The following MAGI2 variants were observed in gnomAD, a reference collection of about 807,000 sequenced individuals.
The protein encoded by MAGI2 is membrane associated guanylate kinase, WW and PDZ domain containing 2.
Under a neutral mutation model 133.3 loss-of-function variants are expected in MAGI2, and 35 were observed. The observed-to-expected ratio is 0.26, with a 90% confidence interval of 0.20 to 0.35. MAGI2 has a LOEUF of 0.35. MAGI2 is among the 10% of genes least tolerant of loss of function. The pLI, the probability that MAGI2 is intolerant of heterozygous loss-of-function variation, is 1.00. For missense variants in MAGI2, 1,636 were observed against 1,863.4 expected (o/e 0.88, Z 2.25); for synonymous variants, 729 against 710.6 (o/e 1.03, Z -0.41).
At chr7:78,754,417 A>C in intron 2 of MAGI2, among the ~76,000 whole-genome samples, 1 of 151,858 alleles carries the variant, frequency 6.6e-6, no homozygotes, top group Non-Finnish European at 1.5e-5. Flanking sequence ...AAATGCTGAA[A>C]GTTAGTAACA....
chr7:79,189,514 G>A (rs750713745), intron 1 of MAGI2, among the ~76,000 whole-genome samples: 15 of 151,394 alleles, frequency 9.9e-5, no homozygotes, highest in African/African-American at 1.5e-4. Context: ...AAAATTAAGC[G>A]GAACGTACAG....
At chr7:78,285,236 G>T (rs190811429) in intron 9 of MAGI2, among the ~76,000 whole-genome samples, 1 of 151,960 alleles carries the variant, frequency 6.6e-6, no homozygotes, top group East Asian at 1.9e-4. Context: ...TCTAGGTTAC[G>T]CATCCAAAAA....
chr7:78,674,300 C>T (rs1169670975), intron 2 of MAGI2, among the ~76,000 whole-genome samples: 1 of 151,438 alleles, frequency 6.6e-6, no homozygotes, highest in Non-Finnish European at 1.5e-5. Flanking sequence ...TGGCACCAGG[C>T]AAACTGATTC....
At chr7:79,379,370 A>T (rs1843626908) in intron 1 of MAGI2, among the ~76,000 whole-genome samples, 1 of 151,926 alleles carries the variant, frequency 6.6e-6, no homozygotes, top group Non-Finnish European at 1.5e-5. Context: ...ATTGATGGGC[A>T]TTTGGGTTGG....
intron 10 of MAGI2, among the ~76,000 whole-genome samples, chr7:78,248,720 T>C (rs1014192115): frequency 1.3e-5 from 2 of 151,948 alleles, no homozygotes; most frequent in African/African-American, 4.8e-5. Flanking sequence ...AAAAATCAAA[T>C]CAAAATGCAT....
chr7:78,181,420 A>T (rs3807670), intron 13 of MAGI2, among the ~76,000 whole-genome samples: 42,140 of 151,856 alleles, frequency 0.28, 6,391 homozygotes, highest in South Asian at 0.36. Context: ...TGCTCTTTTT[A>T]AAAAAATCTT....
intron 1 of MAGI2, among the ~76,000 whole-genome samples, chr7:79,036,996 G>A (rs1392863190): frequency 5.9e-5 from 9 of 152,142 alleles, no homozygotes; most frequent in African/African-American, 2.2e-4. Context: ...GTCAAGTAAA[G>A]ACTAAGCATT....
At chr7:78,375,005 A>G (rs1455915170) in intron 6 of MAGI2, among the ~76,000 whole-genome samples, 1 of 149,884 alleles carries the variant, frequency 6.7e-6, no homozygotes, top group Non-Finnish European at 1.5e-5. Context: ...ACACCTGGCT[A>G]TTTTTTTTTG....
At chr7:78,715,118 G>A (rs761942327) in intron 2 of MAGI2, among the ~76,000 whole-genome samples, 3 of 152,180 alleles carry the variant, frequency 2.0e-5, no homozygotes, top group African/African-American at 7.2e-5. Context: ...AATGGGAATT[G>A]ATTTGCTTGG....
At chr7:79,197,863 C>T (rs140117997) in intron 1 of MAGI2, among the ~76,000 whole-genome samples, 1 of 151,974 alleles carries the variant, frequency 6.6e-6, no homozygotes, top group Non-Finnish European at 1.5e-5. Flanking sequence ...GCACTAATAT[C>T]ATATCACTTC....
chr7:78,591,919 G>C (rs1236123666), intron 3 of MAGI2, among the ~76,000 whole-genome samples: 1 of 152,142 alleles, frequency 6.6e-6, no homozygotes, highest in Non-Finnish European at 1.5e-5. Context: ...CATAAGAGAA[G>C]ACTCTTGAAA....
At chr7:78,790,348 A>C (rs993869159) in intron 2 of MAGI2, among the ~76,000 whole-genome samples, 1 of 152,166 alleles carries the variant, frequency 6.6e-6, no homozygotes, top group African/African-American at 2.4e-5. Context: ...TTTTATTAGA[A>C]TCCATCCTTT....
chr7:78,576,480 C>G (rs1252710298), intron 3 of MAGI2, among the ~76,000 whole-genome samples: 1 of 152,124 alleles, frequency 6.6e-6, no homozygotes, highest in East Asian at 1.9e-4. Flanking sequence ...ACCAGAATTC[C>G]TCTCTTCCAA....
Position 79,132,908 on chromosome 7 carries a change from T to C in MAGI2, c.302-125702A>G, listed in dbSNP as rs368620476. Among the ~76,000 whole-genome samples the C allele has an allele frequency of 3.9e-5, 6 of 152,298 alleles. No individual in the cohort carries two copies. In the East Asian group the frequency reaches 7.7e-4, roughly 20 times the overall value. ...GCATTTCTCTGATGATTAGTGATGC[T>C]GAGCATTTTTTCCTATGTTTGTTGG... On this transcript the variant is annotated intron_variant, in intron 1 of 21. Transcript: ENST00000354212.
chr7:78,242,058 CAT>C (rs1233711559), intron 10 of MAGI2, among the ~76,000 whole-genome samples: 1 of 150,700 alleles, frequency 6.6e-6, no homozygotes, highest in Non-Finnish European at 1.5e-5. Context: ...ATGTCTACCA[CAT>C]GTTTGACCAC....
At chr7:79,373,590 A>C (rs1006286514) in intron 1 of MAGI2, among the ~76,000 whole-genome samples, 14 of 152,092 alleles carry the variant, frequency 9.2e-5, no homozygotes, top group Non-Finnish European at 1.6e-4. Flanking sequence ...ATTTAAATGA[A>C]TTTTATTCCC....
chr7:78,090,624 A>G (rs1162700848), intron 20 of MAGI2, among the ~76,000 whole-genome samples: 1 of 152,234 alleles, frequency 6.6e-6, no homozygotes, highest in Non-Finnish European at 1.5e-5. Context: ...ACTTTGGCCA[A>G]AGGCAACCTT....
chr7:79,244,384 G>A (rs1249163614), intron 1 of MAGI2, among the ~76,000 whole-genome samples: 3 of 152,188 alleles, frequency 2.0e-5, no homozygotes, highest in African/African-American at 7.2e-5. Context: ...TTGAATTGCT[G>A]ACACTACCCC....
chr7:78,789,465 C>A (rs748335509), intron 2 of MAGI2, among the ~76,000 whole-genome samples: 24 of 152,316 alleles, frequency 1.6e-4, no homozygotes, highest in Middle Eastern at 6.8e-3. Flanking sequence ...ATTTCTTACC[C>A]TTCAAACATT....
Sources: allele counts gnomAD v4.1 joint callset (sites outside exome capture counted in the v4.1 genomes callset), GRCh38; gene constraint gnomAD v4.1.1; transcripts MANE v1.5; gene names NCBI Gene and HGNC (gene_info 2026-07-23, HGNC 2026-07-21).